PIEZO2: variants seen among roughly 807,000 people sequenced by gnomAD.
The protein encoded by PIEZO2 is piezo-type mechanosensitive ion channel component 2.
PIEZO2 carries 172 observed loss-of-function variants against 337.3 expected under a neutral mutation model. The observed-to-expected ratio is 0.51, with a 90% CI of 0.45 to 0.58. The LOEUF (loss-of-function observed/expected upper bound fraction) is 0.58, where lower values mean the gene tolerates loss of function less well. Among genes scored for constraint, PIEZO2 ranks in the 20% least tolerant of loss-of-function variants. The probability of loss-of-function intolerance (pLI) is 0.00; values close to 1 mark genes in which losing one functional copy is unlikely to be tolerated. For synonymous variants in PIEZO2, 1,251 were observed against 1,228.5 expected, an observed-to-expected ratio of 1.02 and a Z score of -0.38; for missense variants, 3,028 against 3,391.3, an observed-to-expected ratio of 0.89 and a Z score of 2.66.
chr18:10,918,906 C>A (rs2031202062), intron 3 of PIEZO2, among the ~76,000 whole-genome samples: 1 of 151,942 alleles, frequency 6.6e-6, no homozygotes, highest in African/African-American at 2.4e-5. Flanking sequence ...CAATGAGCAA[C>A]TATACCTATA....
At position 10,726,964 on chromosome 18, in the gene PIEZO2, G is replaced by A. The variant is rs1025993830; in HGVS notation, c.5029+4443C>T. The A allele has an allele frequency of 8.1e-6, 11 of 1,358,810 alleles. No individual in the cohort carries two copies. In the African/African-American group the frequency reaches 1.0e-4, roughly 13 times the overall value. 84.2% of individuals were successfully genotyped at this position (1,358,810 alleles called of 1,614,324 possible). ...ATGTAGGTTGAGGGCTGCAGACAGA[G>A]GCCCTGGACAGAAGCTCCAGATAGG... On this transcript the variant is annotated intron_variant, in intron 36 of 55. Coordinates refer to ENST00000674853, the MANE Select transcript of PIEZO2 (RefSeq NM_001378183.1). The surrounding 1 kb of genome is among the most constrained non-coding windows in gnomAD (Gnocchi z 5.9).
intron 23 of PIEZO2, 81 bp from the exon 24 acceptor site, chr18:10,761,192 G>A (rs1403523559): frequency 1.2e-5 from 15 of 1,212,770 alleles, no homozygotes; most frequent in African/African-American, 1.5e-5. Context: ...ATTCTGCACA[G>A]CTACAAGGAC....
chr18:11,118,428 A>G (rs16755), intron 1 of PIEZO2, among the ~76,000 whole-genome samples: 83,808 of 152,110 alleles, frequency 0.55, 26,536 homozygotes, highest in Non-Finnish European at 0.7. Context: ...CTTTCCAAGT[A>G]GCCTAAGATG....
chr18:11,109,468 C>T lies in PIEZO2; in HGVS notation c.64+39057G>A, dbSNP rs2039666412. On this transcript the variant is annotated intron_variant, in intron 1 of 55. Transcript: ENST00000674853. This position sits in a 1 kb window ranked among gnomAD's most constrained non-coding sequence, Gnocchi z 5.1. ...CGGTGGCTCATGTCTGTAATCCCAG[C>T]ACTTTGGGAGGCCGAGGTGGGTGGA... is the stretch of plus-strand genomic sequence containing the variant. Among the ~76,000 whole-genome samples, 1 of 152,158 alleles carries T rather than the reference C, an allele frequency of 6.6e-6. No individual in the cohort carries two copies.
intron 2 of PIEZO2, among the ~76,000 whole-genome samples, chr18:11,057,047 G>A (rs535602734): frequency 1.2e-4 from 18 of 151,916 alleles, no homozygotes; most frequent in African/African-American, 4.1e-4. Context: ...GACTAGCTTG[G>A]GATGTTCACA....
Position 10,714,782 on chromosome 18 carries a change from G to A in PIEZO2, c.5405C>T (p.Ser1802Leu), listed in dbSNP as rs1277698207. ...QTAHRMDSLD[S>L]HDSISSCYTE... ...GAAATACCTGGAGATACTGTCATGT[G>A]AATCTAAACTATCCATCCTGTGGGC... The change falls in exon 39 of 56, where the codon TCA becomes TTA. Residue 1802 changes from serine to leucine, a missense_variant. This residue lies in a region of PIEZO2 where 1,925 missense variants were observed against 2,051.9 expected (regional missense o/e 0.94). Transcript: ENST00000674853. The A allele has an allele frequency of 2.0e-6, 3 of 1,537,060 alleles. No individual in the cohort carries two copies. The highest frequency in any genetic ancestry group is 2.7e-5 in the African/African-American group (2 of 73,018).
In PIEZO2 at chr18:10,678,759, G is replaced by A. The variant is rs573912772; in HGVS notation, c.7953-884C>T. 2.6e-5 allele frequency among the ~76,000 whole-genome samples: 4 copies of A among 152,160 alleles called. No homozygotes were observed. The East Asian group carries it at 7.7e-4, about 29-fold the overall frequency. On this transcript the variant is annotated intron_variant, in intron 52 of 55. Transcript: ENST00000674853. Reference sequence around the variant, plus strand: ...ACCAACACAAGGAAAAACAAAGCAGGGGCCACGTGCTGGCCACTGGCTCAG... The same window carrying A: ...ACCAACACAAGGAAAAACAAAGCAGAGGCCACGTGCTGGCCACTGGCTCAG...
intron 2 of PIEZO2, among the ~76,000 whole-genome samples, chr18:11,012,281 G>A (rs2035935042): frequency 6.6e-6 from 1 of 152,134 alleles, no homozygotes; most frequent in South Asian, 2.1e-4. Context: ...TGTCTGATGA[G>A]CAGCATTTTT....
At chr18:10,983,801 C>T (rs1386719364) in intron 2 of PIEZO2, among the ~76,000 whole-genome samples, 5 of 152,122 alleles carry the variant, frequency 3.3e-5, no homozygotes, top group African/African-American at 4.8e-5. Flanking sequence ...ACACAGATCT[C>T]AACATGTACA....
intron 4 of PIEZO2, among the ~76,000 whole-genome samples, chr18:10,880,995 G>A (rs904488272): frequency 6.7e-6 from 1 of 150,186 alleles, no homozygotes; most frequent in Non-Finnish European, 1.5e-5. Context: ...GGTGTAAATA[G>A]AGAAAGGTTT....
In PIEZO2 at chr18:10,689,874, A is replaced by T. The variant is rs1439662597; in HGVS notation, c.7350-72T>A. On this transcript the variant is annotated intron_variant, in intron 48 of 55. Coordinates refer to ENST00000674853, the MANE Select transcript of PIEZO2 (RefSeq NM_001378183.1). The stretch of plus-strand genomic sequence containing the variant: ...CACCACCCTGCTCACCCAGGAGCTC[A>T]AGCAGTTCCTTAACTGCTTTAACCT... The T allele has an allele frequency of 2.0e-6, 3 of 1,526,232 alleles. No homozygotes were observed. The East Asian group carries it at 6.9e-5, about 35-fold the overall frequency. 94.5% of individuals were successfully genotyped at this position (1,526,232 alleles called of 1,614,324 possible). A position where few individuals can be genotyped will look rare whatever the true frequency, so the allele number is the denominator to read the frequency against.
chr18:11,018,382 CGTGTGTGTGTGTGT>C (rs376013388), intron 2 of PIEZO2, among the ~76,000 whole-genome samples: 1,466 of 114,190 alleles, frequency 0.013, 15 homozygotes, highest in Middle Eastern at 0.052. Flanking sequence ...CCCAACATGT[CGTGTGTGTGTGTGT>C]GTGTGTGTGT....
chr18:10,989,674 T>A (rs1271932539), intron 2 of PIEZO2, among the ~76,000 whole-genome samples: 1 of 152,066 alleles, frequency 6.6e-6, no homozygotes, highest in Non-Finnish European at 1.5e-5. Context: ...CCCACAGAAA[T>A]ACGTGTAAAA....
chr18:10,801,796 G>GAA lies in PIEZO2; in HGVS notation c.1201-370_1201-369dup, dbSNP rs1217538293. 4.6e-5 allele frequency among the ~76,000 whole-genome samples: 7 copies of GAA among 152,250 alleles called. No individual in the cohort carries two copies. The East Asian group carries it at 1.4e-3, about 29-fold the overall frequency. ...CAAGAAATAGAATTTTCATAATAAA[G>GAA]AAAAATTGGGCTCGGCGCGGTAGCT... On this transcript the variant is annotated intron_variant, in intron 9 of 55. Transcript: ENST00000674853.
At chr18:10,961,625 T>C (rs1598749259) in intron 3 of PIEZO2, among the ~76,000 whole-genome samples, 1 of 152,142 alleles carries the variant, frequency 6.6e-6, no homozygotes, top group African/African-American at 2.4e-5. Context: ...TCAGCTTGTA[T>C]AGAATATAGT....
intron 7 of PIEZO2, among the ~76,000 whole-genome samples, chr18:10,836,750 G>A (rs2041026338): frequency 1.3e-5 from 2 of 152,132 alleles, no homozygotes; most frequent in South Asian, 2.1e-4. Flanking sequence ...GCAAACAAGA[G>A]GATACAAGTG....
At chr18:10,852,844 A>AC in intron 7 of PIEZO2, among the ~76,000 whole-genome samples, 1 of 151,934 alleles carries the variant, frequency 6.6e-6, no homozygotes, top group Non-Finnish European at 1.5e-5. Flanking sequence ...AGGAGAGGGC[A>AC]CCCCCCACCC....
rs12457007 is a variant in PIEZO2, at chr18:10,847,116, G to A, written c.917+8237C>T. ...AATAGCAGGGCCAAGGTTCAATCTC[G>A]AGCCCGTGGACTCCAGGGAATGAGC... On this transcript the variant is annotated intron_variant, in intron 7 of 55. Coordinates refer to ENST00000674853, the MANE Select transcript of PIEZO2 (RefSeq NM_001378183.1). This position sits in a 1 kb window ranked among gnomAD's most constrained non-coding sequence, Gnocchi z 5.7. Among the ~76,000 whole-genome samples, 5,792 of 152,228 alleles carry A rather than the reference G, an allele frequency of 0.038. 180 individuals carry two copies. Among genetic ancestry groups the A allele is most frequent in the East Asian group, 0.15 (781 of 5,164 alleles).
intron 2 of PIEZO2, among the ~76,000 whole-genome samples, chr18:11,008,714 T>C (rs956479373): frequency 6.6e-6 from 1 of 152,216 alleles, no homozygotes; most frequent in African/African-American, 2.4e-5. Context: ...GCTGACTGCA[T>C]GCTATATGCC....
Sources: allele counts gnomAD v4.1 joint callset (sites outside exome capture counted in the v4.1 genomes callset), GRCh38; gene constraint gnomAD v4.1.1; regional missense constraint gnomAD v4.1.1; non-coding constraint Gnocchi (gnomAD v3.1); transcripts MANE v1.5; gene names NCBI Gene and HGNC (gene_info 2026-07-23, HGNC 2026-07-21).